Variants in XKR4 observed in about 807,000 individuals in gnomAD.
XKR4 encodes XK-related protein 4.
XKR4 carries 12 observed loss-of-function variants against 53.9 expected under a neutral mutation model. The observed-to-expected ratio is 0.22, with a 90% CI of 0.14 to 0.36. The LOEUF (loss-of-function observed/expected upper bound fraction) is 0.36. Ranked by LOEUF, XKR4 falls within the 10% of genes least tolerant of loss-of-function variation. XKR4 has a pLI of 1.00. For synonymous variants in XKR4, 354 were observed against 362.4 expected (o/e 0.98, Z 0.26); for missense variants, 799 against 859.5 (o/e 0.93, Z 0.88).
At chr8:55,513,089 A>C (rs2129404825) in intron 2 of XKR4, among the ~76,000 whole-genome samples, 1 of 152,300 alleles carries the variant, frequency 6.6e-6, no homozygotes, top group African/African-American at 2.4e-5. Context: ...AGTGTGAGGC[A>C]GTGTGAGTGT....
At chr8:55,228,189 AGC>A (rs1335585438) in intron 1 of XKR4, among the ~76,000 whole-genome samples, 6 of 152,158 alleles carry the variant, frequency 3.9e-5, no homozygotes, top group Admixed American at 2.0e-4. Flanking sequence ...TGGGATTACA[AGC>A]GTGAGCCAGT....
At position 55,526,265 on chromosome 8, in the gene XKR4, G is replaced by T. The variant is rs1428977184; in HGVS notation, c.*2038G>T. ...AATGGGTGTGTCATCCAGAGACTGTGTCCCCACGATGACATCCACAGGAAG... is the reference window on the plus strand; with the variant it reads ...AATGGGTGTGTCATCCAGAGACTGTTTCCCCACGATGACATCCACAGGAAG... On this transcript the variant is annotated 3_prime_UTR_variant, in exon 3 of 3. Transcript: ENST00000327381. 6.6e-6 allele frequency: 1 copy of T among 152,196 alleles called. No homozygotes were observed. Among genetic ancestry groups the T allele is most frequent in the Admixed American group, 6.5e-5 (1 of 15,280 alleles). 9.4% of individuals were successfully genotyped at this position (152,196 alleles called of 1,614,324 possible). A position where few individuals can be genotyped will look rare whatever the true frequency, so the allele number is the denominator to read the frequency against.
intron 2 of XKR4, among the ~76,000 whole-genome samples, chr8:55,395,617 T>G (rs1804505740): frequency 6.6e-6 from 1 of 152,086 alleles, no homozygotes; most frequent in Non-Finnish European, 1.5e-5. Context: ...GTCATTCACC[T>G]GCAGAAAGAT....
chr8:55,374,131 G>T (rs1250900251), intron 2 of XKR4, among the ~76,000 whole-genome samples: 4 of 152,208 alleles, frequency 2.6e-5, no homozygotes, highest in Non-Finnish European at 5.9e-5. Flanking sequence ...CCCAAAGACA[G>T]GCTGCAGTGT....
chr8:55,519,268 A>G (rs1266224300), intron 2 of XKR4, among the ~76,000 whole-genome samples: 1 of 152,196 alleles, frequency 6.6e-6, no homozygotes, highest in Non-Finnish European at 1.5e-5. Flanking sequence ...TGATCTTAGA[A>G]GCAAGTTTTC....
At chr8:55,106,908 T>C (rs2129350548) in intron 1 of XKR4, among the ~76,000 whole-genome samples, 1 of 152,230 alleles carries the variant, frequency 6.6e-6, no homozygotes, top group Non-Finnish European at 1.5e-5. Context: ...ACTGATTGTG[T>C]CCCATGTTCA....
intron 2 of XKR4, chr8:55,454,987 C>T (rs987478101): frequency 1.2e-5 from 10 of 855,592 alleles, no homozygotes; most frequent in Non-Finnish European, 4.0e-6. Flanking sequence ...GACACATCTG[C>T]CACCCGCTGG....
intron 1 of XKR4, among the ~76,000 whole-genome samples, chr8:55,156,021 A>G (rs1312532200): frequency 6.6e-6 from 1 of 152,206 alleles, no homozygotes; most frequent in East Asian, 1.9e-4. Flanking sequence ...AGAGACTGTG[A>G]TTCTGCCAAA....
At chr8:55,147,837 A>T (rs1816791022) in intron 1 of XKR4, among the ~76,000 whole-genome samples, 1 of 152,174 alleles carries the variant, frequency 6.6e-6, no homozygotes, top group Non-Finnish European at 1.5e-5. Flanking sequence ...GCCAAAAGAG[A>T]AAAATGTAAC....
intron 2 of XKR4, chr8:55,453,203 C>T (rs949945710): frequency 2.4e-5 from 12 of 492,166 alleles, no homozygotes; most frequent in Non-Finnish European, 5.0e-5. Context: ...TACCTTACCC[C>T]TTGGCTCCGC....
intron 1 of XKR4, among the ~76,000 whole-genome samples, chr8:55,278,756 C>T (rs1037017846): frequency 1.3e-5 from 2 of 152,030 alleles, no homozygotes; most frequent in African/African-American, 2.4e-5. Context: ...GAGGCAATAG[C>T]CAAAATCATA....
At chr8:55,471,953 C>G (rs1805891389) in intron 2 of XKR4, among the ~76,000 whole-genome samples, 1 of 152,070 alleles carries the variant, frequency 6.6e-6, no homozygotes, top group African/African-American at 2.4e-5. Flanking sequence ...TATAAATTAC[C>G]CAACTTTAGG....
At chr8:55,508,178 C>A (rs760697204) in intron 2 of XKR4, among the ~76,000 whole-genome samples, 1 of 152,014 alleles carries the variant, frequency 6.6e-6, no homozygotes, top group Non-Finnish European at 1.5e-5. Context: ...CTATTAGGGA[C>A]ATGTCTTGGT....
At chr8:55,112,961 G>A (rs917283272) in intron 1 of XKR4, among the ~76,000 whole-genome samples, 3 of 152,034 alleles carry the variant, frequency 2.0e-5, no homozygotes, top group Non-Finnish European at 2.9e-5. Context: ...TCTACTACTC[G>A]TAAGAGTGGC....
intron 1 of XKR4, among the ~76,000 whole-genome samples, chr8:55,216,630 G>A (rs1817803113): frequency 6.6e-6 from 1 of 151,870 alleles, no homozygotes; most frequent in African/African-American, 2.4e-5. Flanking sequence ...GGGAGGCTGA[G>A]GCAGAAGAAT....
At chr8:55,111,391 A>C (rs1257556140) in intron 1 of XKR4, among the ~76,000 whole-genome samples, 2 of 152,146 alleles carry the variant, frequency 1.3e-5, no homozygotes, top group Non-Finnish European at 2.9e-5. Context: ...GGGTATATGC[A>C]CTAGAATGTC....
chr8:55,392,046 G>A (rs893313066), intron 2 of XKR4, among the ~76,000 whole-genome samples: 1 of 152,184 alleles, frequency 6.6e-6, no homozygotes, highest in Non-Finnish European at 1.5e-5. Flanking sequence ...GGAGTTACAA[G>A]CATAAGATGA....
At chr8:55,209,075 A>G (rs1214738730) in intron 1 of XKR4, among the ~76,000 whole-genome samples, 1 of 152,206 alleles carries the variant, frequency 6.6e-6, no homozygotes, top group Admixed American at 6.5e-5. Flanking sequence ...GCTCATAGGC[A>G]ACCAGGTTTG....
At chr8:55,249,613 T>C (rs1818337994) in intron 1 of XKR4, among the ~76,000 whole-genome samples, 1 of 152,240 alleles carries the variant, frequency 6.6e-6, no homozygotes, top group African/African-American at 2.4e-5. Context: ...TAATAGATTA[T>C]GTTCTTTCCA....
Sources: allele counts gnomAD v4.1 joint callset (sites outside exome capture counted in the v4.1 genomes callset), GRCh38; gene constraint gnomAD v4.1.1; transcripts MANE v1.5; gene names NCBI Gene and HGNC (gene_info 2026-07-23, HGNC 2026-07-21).